Variants in ZNF804B observed in about 807,000 individuals in gnomAD.
The protein encoded by ZNF804B is zinc finger 804B.
In ZNF804B, 80 loss-of-function variants were observed where a neutral mutation model predicts 101.4. The ratio of observed to expected loss-of-function variants is 0.79; its 90% confidence interval spans 0.66 to 0.95. ZNF804B has a LOEUF of 0.95. Among genes scored for constraint, ZNF804B ranks in the 40% least tolerant of loss-of-function variants. The pLI, the probability that ZNF804B is intolerant of heterozygous loss-of-function variation, is 0.00. For synonymous variants in ZNF804B, 622 were observed against 558.8 expected, an observed-to-expected ratio of 1.11 and a Z score of -1.59; for missense variants, 1,673 against 1,561.9, an observed-to-expected ratio of 1.07 and a Z score of -1.20.
At chr7:88,783,292 C>A (rs1231244506) in intron 1 of ZNF804B, among the ~76,000 whole-genome samples, 3 of 152,006 alleles carry the variant, frequency 2.0e-5, no homozygotes, top group African/African-American at 7.2e-5. Context: ...GGGAAAAATT[C>A]TATACCCAAA....
chr7:89,014,484 T>C (rs1788510892), intron 1 of ZNF804B, among the ~76,000 whole-genome samples: 1 of 152,206 alleles, frequency 6.6e-6, no homozygotes, highest in South Asian at 2.1e-4. Flanking sequence ...GCCTGGCTAA[T>C]TTTTTGTATT....
rs577081402 is a variant in ZNF804B at position 89,123,387 on chromosome 7, C to G, written c.109-94768C>G. Reference sequence around the variant, plus strand: ...AAATTACTCTGCATTTGTGAAGATGCACCTCCTCCAATGATCAGATGTATT... The same window carrying G: ...AAATTACTCTGCATTTGTGAAGATGGACCTCCTCCAATGATCAGATGTATT... On this transcript the variant is annotated intron_variant, in intron 1 of 3. Transcript: ENST00000333190. 5.9e-5 allele frequency among the ~76,000 whole-genome samples: 9 copies of G among 152,220 alleles called. No homozygotes were observed. In the South Asian group the frequency reaches 1.9e-3, roughly 32 times the overall value.
At chr7:88,838,850 A>G (rs1181021770) in intron 1 of ZNF804B, among the ~76,000 whole-genome samples, 1 of 152,042 alleles carries the variant, frequency 6.6e-6, no homozygotes, top group Non-Finnish European at 1.5e-5. Context: ...AAGGCTTCCA[A>G]TAAATACTAA....
chr7:89,030,894 G>A (rs536910274), intron 1 of ZNF804B, among the ~76,000 whole-genome samples: 174 of 152,010 alleles, frequency 1.1e-3, no homozygotes, highest in African/African-American at 4.1e-3. Flanking sequence ...GTATTATTCA[G>A]TTTCTTGGTG....
intron 1 of ZNF804B, among the ~76,000 whole-genome samples, chr7:89,160,973 T>A (rs1397329133): frequency 6.6e-6 from 1 of 152,152 alleles, no homozygotes; most frequent in African/African-American, 2.4e-5. Context: ...CACTGCAATT[T>A]CCAGATCCTT....
rs1322386415 is a variant in ZNF804B at position 89,063,172 on chromosome 7, A to G, written c.109-154983A>G. Among the ~76,000 whole-genome samples the G allele has an allele frequency of 1.3e-5, 2 of 152,146 alleles. 1 individual carries two copies. On this transcript the variant is annotated intron_variant, in intron 1 of 3. Transcript: ENST00000333190. ...TAGTAGAAGTATCCTCCCCAATTAGAAAGAAATGATACAAAATTGCTGGTC... is the reference window on the plus strand; with the variant it reads ...TAGTAGAAGTATCCTCCCCAATTAGGAAGAAATGATACAAAATTGCTGGTC...
intron 1 of ZNF804B, among the ~76,000 whole-genome samples, chr7:89,044,144 A>G (rs1789064285): frequency 6.6e-6 from 1 of 152,136 alleles, no homozygotes; most frequent in African/African-American, 2.4e-5. Context: ...GGTTACCCCC[A>G]TGCTGTTGTT....
At chr7:88,843,534 G>A (rs567596550) in intron 1 of ZNF804B, among the ~76,000 whole-genome samples, 13 of 152,062 alleles carry the variant, frequency 8.5e-5, no homozygotes, top group East Asian at 3.9e-4. Context: ...TCAGGAGATC[G>A]AGCCCATCCT....
chr7:89,274,765 T>C (rs1382970742), intron 2 of ZNF804B, among the ~76,000 whole-genome samples: 1 of 151,834 alleles, frequency 6.6e-6, no homozygotes, highest in African/African-American at 2.4e-5. Context: ...TCTTCCCTTC[T>C]CATTTACTTA....
chr7:89,120,243 G>A (rs1790380188), intron 1 of ZNF804B, among the ~76,000 whole-genome samples: 1 of 151,930 alleles, frequency 6.6e-6, no homozygotes, highest in Admixed American at 6.6e-5. Context: ...AGCGGAGATC[G>A]CACCACTGCA....
At chr7:89,258,603 C>A (rs1789669148) in intron 2 of ZNF804B, among the ~76,000 whole-genome samples, 2 of 152,086 alleles carry the variant, frequency 1.3e-5, no homozygotes. Context: ...GTTAGGGAAA[C>A]CAACCTCTCT....
chr7:89,278,771 A>G (rs1269520367), intron 2 of ZNF804B, among the ~76,000 whole-genome samples: 3 of 150,154 alleles, frequency 2.0e-5, no homozygotes, highest in Non-Finnish European at 4.4e-5. Context: ...GTATAGTTTG[A>G]AGTCAGGTAG....
intron 1 of ZNF804B, among the ~76,000 whole-genome samples, chr7:88,983,562 T>C (rs1322775992): frequency 6.6e-6 from 1 of 152,026 alleles, no homozygotes; most frequent in Non-Finnish European, 1.5e-5. Flanking sequence ...GTGCTTTGCA[T>C]TGAGATGTGC....
chr7:89,058,610 T>A (rs867231598), intron 1 of ZNF804B, among the ~76,000 whole-genome samples: 1 of 152,128 alleles, frequency 6.6e-6, no homozygotes, highest in Admixed American at 6.6e-5. Flanking sequence ...GGTCTGGTAG[T>A]ACATGAAGGG....
chr7:89,237,229 T>A (rs1350689263), intron 2 of ZNF804B, among the ~76,000 whole-genome samples: 1 of 152,162 alleles, frequency 6.6e-6, no homozygotes, highest in Non-Finnish European at 1.5e-5. Flanking sequence ...AATATGTGTA[T>A]ATAGTTAGCT....
intron 2 of ZNF804B, among the ~76,000 whole-genome samples, chr7:89,312,699 A>G (rs2115948914): frequency 6.6e-6 from 1 of 152,246 alleles, no homozygotes; most frequent in South Asian, 2.1e-4. Context: ...ACACATAAAA[A>G]ATAATGGCAT....
intron 2 of ZNF804B, among the ~76,000 whole-genome samples, chr7:89,235,255 T>C (rs1433035121): frequency 3.3e-5 from 5 of 152,158 alleles, no homozygotes; most frequent in Non-Finnish European, 7.3e-5. Context: ...TATAGAAATA[T>C]CTGAATCTTA....
At chr7:89,248,467 A>AAAAAAAG (rs1183648544) in intron 2 of ZNF804B, among the ~76,000 whole-genome samples, 1 of 17,014 alleles carries the variant, frequency 5.9e-5, no homozygotes, top group Non-Finnish European at 1.4e-4. Flanking sequence ...GCATTCTTTG[A>AAAAAAAG]AAAAAAAAGA....
At chr7:88,847,335 G>C (rs1443031041) in intron 1 of ZNF804B, among the ~76,000 whole-genome samples, 1 of 151,952 alleles carries the variant, frequency 6.6e-6, no homozygotes, top group East Asian at 1.9e-4. Context: ...GGTTTCCAAT[G>C]ACTTGTTAAG....
Sources: allele counts gnomAD v4.1 joint callset (sites outside exome capture counted in the v4.1 genomes callset), GRCh38; gene constraint gnomAD v4.1.1; transcripts MANE v1.5; gene names NCBI Gene and HGNC (gene_info 2026-07-23, HGNC 2026-07-21).